Variants in SEMA3A observed in about 807,000 individuals in gnomAD.
SEMA3A encodes the protein semaphorin-3A.
Under a neutral mutation model 97.9 loss-of-function variants are expected in SEMA3A, and 29 were observed. The observed-to-expected ratio is 0.30, with a 90% CI of 0.22 to 0.40. SEMA3A has a LOEUF of 0.40. Among genes scored for constraint, SEMA3A ranks in the 10% least tolerant of loss-of-function variants. The probability of loss-of-function intolerance (pLI) is 1.00; values close to 1 mark genes in which losing one functional copy is unlikely to be tolerated. For synonymous variants in SEMA3A, 321 were observed against 323.7 expected (o/e 0.99, Z 0.09); for missense variants, 763 against 951.3 (o/e 0.80, Z 2.60).
At chr7:84,021,081 A>C (rs560449866) in intron 6 of SEMA3A, among the ~76,000 whole-genome samples, 1 of 152,222 alleles carries the variant, frequency 6.6e-6, no homozygotes, top group Non-Finnish European at 1.5e-5. Flanking sequence ...TTGGCTCCCA[A>C]GTTTTTTAGC....
intron 1 of SEMA3A, among the ~76,000 whole-genome samples, chr7:84,170,996 C>T (rs1258315652): frequency 6.6e-6 from 1 of 152,020 alleles, no homozygotes; most frequent in Admixed American, 6.6e-5. Flanking sequence ...TATGGAACAG[C>T]TCAATTTTGC....
intron 4 of SEMA3A, among the ~76,000 whole-genome samples, chr7:84,078,703 C>T (rs1240139070): frequency 6.6e-6 from 1 of 151,810 alleles, no homozygotes; most frequent in African/African-American, 2.4e-5. Flanking sequence ...GCTTTTCACT[C>T]ATTGCTTTAT....
intron 3 of SEMA3A, among the ~76,000 whole-genome samples, chr7:84,222,203 G>T (rs1798898107): frequency 6.6e-6 from 1 of 151,752 alleles, no homozygotes. Context: ...AACAATATTT[G>T]AATTAAAATA....
intron 1 of SEMA3A, among the ~76,000 whole-genome samples, chr7:84,172,014 CT>C (rs896064027): frequency 6.6e-6 from 1 of 152,118 alleles, no homozygotes; most frequent in African/African-American, 2.4e-5. Context: ...ATTCACTCTA[CT>C]TTTTTCAAAT....
At position 84,426,302 on chromosome 7, in the gene SEMA3A, A is replaced by AGATAGATAGATG. The variant is rs1804828103; in HGVS notation, c.-245-54403_-245-54402insCATCTATCTATC. On this transcript the variant is annotated intron_variant, in intron 1 of 3. Coordinates refer to the SEMA3A transcript ENST00000424555. ...CAGATAGATAGATAGATAGATAGATAGATAGATAGATAGATAGACAGACAA... is the reference window on the plus strand; with the variant it reads ...CAGATAGATAGATAGATAGATAGATAGATAGATAGATGGATAGATAGATAGATAGACAGACAA... Among the ~76,000 whole-genome samples the AGATAGATAGATG allele has an allele frequency of 2.6e-5, 4 of 152,004 alleles. No individual in the cohort carries two copies. In the South Asian group the frequency reaches 8.3e-4, roughly 32 times the overall value.
chr7:84,468,482 C>G (rs1351838980), intron 1 of SEMA3A, among the ~76,000 whole-genome samples: 2 of 151,986 alleles, frequency 1.3e-5, no homozygotes, highest in Non-Finnish European at 2.9e-5. Flanking sequence ...AAGTTTTGAT[C>G]TTTTTTTTAA....
intron 1 of SEMA3A, among the ~76,000 whole-genome samples, chr7:84,429,600 T>C (rs555555256): frequency 6.4e-4 from 89 of 138,108 alleles, no homozygotes; most frequent in African/African-American, 2.4e-3. Flanking sequence ...GTGTATCTGA[T>C]TACATGTTAT....
At chr7:84,316,416 G>T (rs73711519) in intron 2 of SEMA3A, among the ~76,000 whole-genome samples, 2,800 of 151,806 alleles carry the variant, frequency 0.018, 89 homozygotes, top group African/African-American at 0.065. Flanking sequence ...AAAAAAAAGA[G>T]TTATTTCACA....
At position 84,011,247 on chromosome 7, in the gene SEMA3A, G is replaced by T; in HGVS notation, c.861C>A (p.Leu287=). 7 of 1,614,006 alleles carry T rather than the reference G, an allele frequency of 4.3e-6. No individual in the cohort carries two copies. The highest frequency in any genetic ancestry group is 5.9e-6 in the Non-Finnish European group (7 of 1,179,900). ...RSLVNKWTTF[L]KARLICSVPG... The stretch of plus-strand genomic sequence containing the variant: ...GCACTGAGCAAATCAGACGAGCTTT[G>T]AGGAATGTTGTCCATTTATTCACCA... The change falls in exon 8 of 17, where the codon CTC becomes CTA. Residue 287 remains leucine (L), a synonymous_variant. Transcript: ENST00000265362.
chr7:84,209,061 T>C (rs967301735), intron 3 of SEMA3A, among the ~76,000 whole-genome samples: 14 of 152,350 alleles, frequency 9.2e-5, no homozygotes, highest in African/African-American at 3.4e-4. Flanking sequence ...TAGAATCTTA[T>C]TGTTCCTCCA....
intron 1 of SEMA3A, among the ~76,000 whole-genome samples, chr7:84,156,539 A>T: frequency 6.6e-6 from 1 of 152,106 alleles, no homozygotes; most frequent in Non-Finnish European, 1.5e-5. Context: ...CACTTCCTTT[A>T]ATATTCACTG....
At chr7:84,123,135 T>C (rs1439731103) in intron 3 of SEMA3A, among the ~76,000 whole-genome samples, 1 of 152,156 alleles carries the variant, frequency 6.6e-6, no homozygotes, top group Non-Finnish European at 1.5e-5. Flanking sequence ...GAGCTATTGA[T>C]TCAAAACAGA....
chr7:84,298,738 A>G (rs1381938924), intron 3 of SEMA3A, among the ~76,000 whole-genome samples: 1 of 152,174 alleles, frequency 6.6e-6, no homozygotes, highest in African/African-American at 2.4e-5. Flanking sequence ...GGTCAACTTG[A>G]TTGGCTTAAA....
intron 4 of SEMA3A, among the ~76,000 whole-genome samples, chr7:84,091,907 A>G (rs1315564204): frequency 1.3e-5 from 2 of 152,132 alleles, no homozygotes; most frequent in African/African-American, 2.4e-5. Flanking sequence ...ATGAAATTCC[A>G]TAATATTAAA....
At chr7:84,209,897 G>A (rs1040548795) in intron 3 of SEMA3A, among the ~76,000 whole-genome samples, 9 of 152,138 alleles carry the variant, frequency 5.9e-5, no homozygotes, top group Non-Finnish European at 1.2e-4. Flanking sequence ...TTGGTATGCT[G>A]CAGAAGAATT....
chr7:84,026,932 C>T (rs1030043274), intron 6 of SEMA3A, among the ~76,000 whole-genome samples: 2 of 151,834 alleles, frequency 1.3e-5, no homozygotes, highest in African/African-American at 2.4e-5. Flanking sequence ...ATAACCTGTA[C>T]AACAAACCCC....
At chr7:84,126,346 C>T (rs10230974) in intron 3 of SEMA3A, among the ~76,000 whole-genome samples, 35,960 of 151,890 alleles carry the variant, frequency 0.24, 4,460 homozygotes, top group African/African-American at 0.31. Flanking sequence ...ACTGAGACCA[C>T]GGGCATGTGC....
At chr7:83,979,685 G>T (rs1262669899) in intron 14 of SEMA3A, among the ~76,000 whole-genome samples, 1 of 151,954 alleles carries the variant, frequency 6.6e-6, no homozygotes, top group East Asian at 1.9e-4. Flanking sequence ...GAATGTTAAA[G>T]GTTTAATAAT....
chr7:84,195,659 G>A (rs1005585432), upstream of SEMA3A, among the ~76,000 whole-genome samples: 1 of 151,970 alleles, frequency 6.6e-6, no homozygotes, highest in Non-Finnish European at 1.5e-5. Flanking sequence ...TTACAACGGG[G>A]GATTCTCAAA....
Sources: allele counts gnomAD v4.1 joint callset (sites outside exome capture counted in the v4.1 genomes callset), GRCh38; gene constraint gnomAD v4.1.1; transcripts MANE v1.5; gene names NCBI Gene and HGNC (gene_info 2026-07-23, HGNC 2026-07-21).